Variants in SESTD1 observed in about 807,000 individuals in gnomAD.
SESTD1 encodes SEC14 and spectrin domain containing 1, also known as SEC14 domain and spectrin repeat-containing protein 1.
Under a neutral mutation model 101.7 loss-of-function variants are expected in SESTD1, and 43 were observed. The ratio of observed to expected loss-of-function variants is 0.42; its 90% CI spans 0.33 to 0.55. SESTD1 has a LOEUF of 0.55. Ranked by LOEUF, SESTD1 falls within the 20% of genes least tolerant of loss-of-function variation. SESTD1 has a pLI of 0.07. For missense variants in SESTD1, 647 were observed against 815.1 expected (o/e 0.79, Z 2.51); for synonymous variants, 283 against 286.8 (o/e 0.99, Z 0.13).
intron 13 of SESTD1, among the ~76,000 whole-genome samples, chr2:179,118,433 TG>T (rs529109052): frequency 1.3e-5 from 2 of 152,184 alleles, no homozygotes; most frequent in Non-Finnish European, 1.5e-5. Context: ...GCAGGTGGGA[TG>T]GGGGACTCCC....
chr2:179,189,342 A>AG (rs1475647705), intron 2 of SESTD1, among the ~76,000 whole-genome samples: 1 of 152,226 alleles, frequency 6.6e-6, no homozygotes, highest in Non-Finnish European at 1.5e-5. Context: ...CAATAGATGC[A>AG]GAAAAAGCCT....
intron 1 of SESTD1, among the ~76,000 whole-genome samples, chr2:179,225,444 T>C (rs1381583842): frequency 1.3e-5 from 2 of 152,204 alleles, no homozygotes; most frequent in African/African-American, 4.8e-5. Flanking sequence ...ATTAAGGTTA[T>C]ATTTTTTAAA....
intron 2 of SESTD1, 103 bp downstream of exon 2, chr2:179,191,684 C>G: frequency 1.0e-6 from 1 of 961,960 alleles, no homozygotes; most frequent in Non-Finnish European, 1.6e-6. Context: ...ACCTTTTAAA[C>G]AAAACTTTCA....
intron 5 of SESTD1, among the ~76,000 whole-genome samples, chr2:179,167,530 A>C (rs1254459401): frequency 6.6e-6 from 1 of 152,228 alleles, no homozygotes; most frequent in Non-Finnish European, 1.5e-5. Context: ...TAAGAAGTAC[A>C]GAGAACACTA....
chr2:179,140,300 T>G (rs1011876510), intron 9 of SESTD1, among the ~76,000 whole-genome samples: 1 of 152,168 alleles, frequency 6.6e-6, no homozygotes, highest in Non-Finnish European at 1.5e-5. Context: ...GGAGACAGTC[T>G]TTAAAGAGGT....
rs79460958 is a variant in SESTD1, at chr2:179,173,611, G to C, written c.256-1378C>G. Among the ~76,000 whole-genome samples the C allele has an allele frequency of 2.7e-3, 407 of 152,290 alleles. 5 individuals are homozygous for C. Among genetic ancestry groups the C allele is most frequent in the African/African-American group, 9.2e-3 (384 of 41,568 alleles). On this transcript the variant is annotated intron_variant, in intron 4 of 17. Transcript: ENST00000428443. ...TTGTCTAAGATAACAGAGTTAAAAA[G>C]TCATTGAGCTGAATAGAAACCACCT...
intron 3 of SESTD1, among the ~76,000 whole-genome samples, chr2:179,177,303 T>C (rs912362599): frequency 6.6e-6 from 1 of 152,174 alleles, no homozygotes; most frequent in African/African-American, 2.4e-5. Context: ...ATTGTTATTA[T>C]TATTGTGTTT....
At chr2:179,231,385 T>C (rs934450071) in intron 1 of SESTD1, among the ~76,000 whole-genome samples, 1 of 151,832 alleles carries the variant, frequency 6.6e-6, no homozygotes, top group Non-Finnish European at 1.5e-5. Context: ...ATAAGAATTA[T>C]AGGACACCAT....
At chr2:179,199,660 T>C (rs2046471091) in intron 1 of SESTD1, among the ~76,000 whole-genome samples, 1 of 151,942 alleles carries the variant, frequency 6.6e-6, no homozygotes, top group Non-Finnish European at 1.5e-5. Flanking sequence ...TATACACAAA[T>C]CAATAAATGT....
At chr2:179,187,660 A>AT (rs978004164) in intron 2 of SESTD1, among the ~76,000 whole-genome samples, 1 of 152,028 alleles carries the variant, frequency 6.6e-6, no homozygotes, top group African/African-American at 2.4e-5. Flanking sequence ...AACAAGACCC[A>AT]TCCATCTTCT....
chr2:179,122,237 C>G (rs2044768772), intron 12 of SESTD1, among the ~76,000 whole-genome samples: 1 of 152,090 alleles, frequency 6.6e-6, no homozygotes. Flanking sequence ...ATGAAAATTC[C>G]TATTTCTAAT....
intron 5 of SESTD1, among the ~76,000 whole-genome samples, chr2:179,157,404 T>C (rs941662786): frequency 1.3e-5 from 2 of 152,188 alleles, no homozygotes; most frequent in Non-Finnish European, 2.9e-5. Context: ...AGAGCCCGTA[T>C]AGCCAAACCA....
At chr2:179,231,515 C>CA (rs35364699) in intron 1 of SESTD1, among the ~76,000 whole-genome samples, 22,783 of 145,174 alleles carry the variant, frequency 0.16, 2,000 homozygotes, top group African/African-American at 0.24. Context: ...CCTAAATATC[C>CA]AAAAAAAAAG....
chr2:179,183,924 A>T (rs1431241914), intron 2 of SESTD1, among the ~76,000 whole-genome samples: 1 of 151,656 alleles, frequency 6.6e-6, no homozygotes, highest in Non-Finnish European at 1.5e-5. Context: ...GAGGGAGGGA[A>T]AGGAAAACGG....
At chr2:179,195,532 T>C (rs139189982) in intron 1 of SESTD1, among the ~76,000 whole-genome samples, 11 of 151,900 alleles carry the variant, frequency 7.2e-5, no homozygotes, top group Non-Finnish European at 1.0e-4. Context: ...TCAACTTAGA[T>C]AGTCATACTT....
At chr2:179,164,488 A>G (rs16866669) in intron 5 of SESTD1, among the ~76,000 whole-genome samples, 8,285 of 152,282 alleles carry the variant, frequency 0.054, 300 homozygotes, top group Middle Eastern at 0.13. Flanking sequence ...TTATCTTGTC[A>G]TTAGACAGAA....
intron 8 of SESTD1, 69 bp downstream of exon 8, chr2:179,146,333 T>A (rs1379019772): frequency 4.3e-6 from 6 of 1,386,046 alleles, no homozygotes; most frequent in Non-Finnish European, 6.1e-6. Context: ...TGAATTCATG[T>A]TTATTTAATG....
intron 1 of SESTD1, among the ~76,000 whole-genome samples, chr2:179,196,186 CG>C (rs941981172): frequency 6.6e-6 from 1 of 152,204 alleles, no homozygotes; most frequent in Admixed American, 6.5e-5. Flanking sequence ...AGTCAAAGAA[CG>C]GGGTGACAGA....
Position 179,186,748 on chromosome 2 carries a change from C to T in SESTD1, c.56-3560G>A, listed in dbSNP as rs143084418. Among the ~76,000 whole-genome samples the T allele has an allele frequency of 9.5e-3, 1,381 of 145,880 alleles. 27 individuals carry two copies. The highest frequency in any genetic ancestry group is 0.034 in the African/African-American group (1,312 of 39,020). On this transcript the variant is annotated intron_variant, in intron 2 of 17. Transcript: ENST00000428443. ...TGTCGCCCAGGCTGGAGTGCAGTGG[C>T]GCGATCTTGGCTCACTGCAAGCTCT... is the stretch of plus-strand genomic sequence containing the variant.
Sources: gnomAD v4.1 joint callset for allele counts (sites outside exome capture counted in the v4.1 genomes callset) on GRCh38, gnomAD v4.1.1 for gene constraint, MANE v1.5 for transcripts, NCBI Gene and HGNC (gene_info 2026-07-23, HGNC 2026-07-21) for gene names.